VPS13B: variants seen among roughly 807,000 people sequenced by gnomAD.
VPS13B encodes the protein vacuolar protein sorting 13 homolog B, also known as intermembrane lipid transfer protein VPS13B.
Under a neutral mutation model 426.4 loss-of-function variants are expected in VPS13B, and 285 were observed. That is an observed-to-expected ratio of 0.67 (90% confidence interval 0.61 to 0.74). The LOEUF is 0.74. Ranked by LOEUF, VPS13B falls within the 30% of genes least tolerant of loss-of-function variation. The pLI, the probability that VPS13B is intolerant of heterozygous loss-of-function variation, is 0.00. For missense variants in VPS13B, 4,537 were observed against 4,782.6 expected (o/e 0.95, Z 1.51); for synonymous variants, 1,676 against 1,676.4 (o/e 1.00, Z 0.01).
intron 21 of VPS13B, among the ~76,000 whole-genome samples, chr8:99,428,496 G>A (rs200033500): frequency 3.9e-5 from 6 of 152,088 alleles, no homozygotes; most frequent in Non-Finnish European, 7.3e-5. Flanking sequence ...CACTTCTCAA[G>A]AGAAGACATT....
intron 22 of VPS13B, 40 bp from the exon 23 acceptor site, chr8:99,442,361 A>T: frequency 1.3e-6 from 2 of 1,560,416 alleles, no homozygotes; most frequent in Non-Finnish European, 1.8e-6. Context: ...AGGCATATTT[A>T]GTCTAATCCG....
intron 39 of VPS13B, among the ~76,000 whole-genome samples, chr8:99,722,512 T>C (rs1833171932): frequency 6.6e-6 from 1 of 151,320 alleles, no homozygotes; most frequent in Non-Finnish European, 1.5e-5. Context: ...TAATTCCTTT[T>C]TTTTTTTTTT....
chr8:99,338,257 T>C (rs1811041714), intron 19 of VPS13B, among the ~76,000 whole-genome samples: 1 of 152,166 alleles, frequency 6.6e-6, no homozygotes, highest in African/African-American at 2.4e-5. Context: ...TGATTGGGAT[T>C]TCATTGAATT....
At chr8:99,721,154 G>A in intron 39 of VPS13B, 107 bp downstream of exon 39, 1 of 1,162,916 alleles carries the variant, frequency 8.6e-7, no homozygotes, top group Middle Eastern at 1.9e-4. Flanking sequence ...AATAGTATCA[G>A]AGAGAAATAC....
chr8:99,484,501 G>A (rs548137261), intron 25 of VPS13B, among the ~76,000 whole-genome samples: 1 of 152,218 alleles, frequency 6.6e-6, no homozygotes, highest in East Asian at 1.9e-4. Context: ...TATTTGCTGA[G>A]AAGTACCTTA....
intron 19 of VPS13B, among the ~76,000 whole-genome samples, chr8:99,361,061 C>T (rs566763387): frequency 4.2e-4 from 64 of 152,148 alleles, no homozygotes; most frequent in Non-Finnish European, 7.3e-4. Context: ...TGTATAGTAA[C>T]TTTGAAATGT....
intron 17 of VPS13B, among the ~76,000 whole-genome samples, chr8:99,213,982 A>C (rs1815253823): frequency 1.3e-5 from 2 of 152,162 alleles, no homozygotes. Context: ...TTACCAGACC[A>C]ATTTGGAGAC....
chr8:99,339,289 C>A (rs777027236), intron 19 of VPS13B, among the ~76,000 whole-genome samples: 1 of 151,946 alleles, frequency 6.6e-6, no homozygotes. Context: ...TTGATTGGCT[C>A]ACAGTAGGCT....
chr8:99,658,688 C>T (rs534588860), intron 34 of VPS13B, among the ~76,000 whole-genome samples: 11 of 152,296 alleles, frequency 7.2e-5, no homozygotes, highest in Non-Finnish European at 1.5e-4. Context: ...GTGACATACA[C>T]ATTTAAAATC....
chr8:99,089,108 A>G (rs899938490), intron 3 of VPS13B, among the ~76,000 whole-genome samples: 1 of 152,220 alleles, frequency 6.6e-6, no homozygotes, highest in East Asian at 1.9e-4. Context: ...AGTGGTTAGT[A>G]TTGGGCATTT....
At chr8:99,317,669 T>C (rs1809747389) in intron 19 of VPS13B, among the ~76,000 whole-genome samples, 1 of 152,170 alleles carries the variant, frequency 6.6e-6, no homozygotes, top group African/African-American at 2.4e-5. Context: ...TATGGATGTG[T>C]ATGTGGATTT....
At chr8:99,243,833 T>G (rs976895139) in intron 17 of VPS13B, among the ~76,000 whole-genome samples, 2 of 152,226 alleles carry the variant, frequency 1.3e-5, no homozygotes, top group Non-Finnish European at 2.9e-5. Flanking sequence ...TCAATAACTA[T>G]AGCCAGTAAT....
chr8:99,850,888 T>G (rs1816254723), intron 55 of VPS13B, among the ~76,000 whole-genome samples: 1 of 152,138 alleles, frequency 6.6e-6, no homozygotes, highest in South Asian at 2.1e-4. Context: ...ATCATGCCAC[T>G]GCACTCCAGC....
chr8:99,274,079 A>G (rs1316520223), intron 17 of VPS13B, 119 bp from the exon 18 acceptor site: 1 of 1,382,684 alleles, frequency 7.2e-7, no homozygotes, highest in Non-Finnish European at 1.0e-6. Flanking sequence ...TAACACAAAT[A>G]CTGTAAGAAC....
At chr8:99,186,833 C>T (rs1813244850) in intron 16 of VPS13B, among the ~76,000 whole-genome samples, 1 of 152,184 alleles carries the variant, frequency 6.6e-6, no homozygotes, top group South Asian at 2.1e-4. Flanking sequence ...TTTTTCCCTA[C>T]CCTTGGGCAT....
At chr8:99,548,267 A>T (rs1367753098) in intron 30 of VPS13B, among the ~76,000 whole-genome samples, 1 of 152,040 alleles carries the variant, frequency 6.6e-6, no homozygotes, top group Non-Finnish European at 1.5e-5. Context: ...TTGGCATTGT[A>T]ATCAGAATGT....
intron 44 of VPS13B, among the ~76,000 whole-genome samples, chr8:99,813,220 T>C (rs1489324832): frequency 2.0e-5 from 3 of 152,212 alleles, no homozygotes; most frequent in African/African-American, 7.2e-5. Context: ...GAATTTTCTT[T>C]TATCAAATTT....
Position 99,676,719 on chromosome 8 carries a change from A to G in VPS13B, c.6046+15228A>G, listed in dbSNP as rs1215393964. On this transcript the variant is annotated intron_variant, in intron 35 of 61. Coordinates refer to ENST00000357162, the MANE Select transcript of VPS13B (RefSeq NM_152564.5). ...ATTTTCTTGTGTGAATAGTTGTTCA[A>G]CATGATGTTGCTATGAGGGGATGAT... Among the ~76,000 whole-genome samples, 3 of 152,162 alleles carry G rather than the reference A, an allele frequency of 2.0e-5. No homozygotes were observed. In the East Asian group the frequency reaches 5.8e-4, roughly 29 times the overall value.
At chr8:99,358,357 C>A (rs1468285998) in intron 19 of VPS13B, among the ~76,000 whole-genome samples, 1 of 152,024 alleles carries the variant, frequency 6.6e-6, no homozygotes, top group Non-Finnish European at 1.5e-5. Flanking sequence ...TAATTTGTAC[C>A]AGTGTCCCAC....
Sources: gnomAD v4.1 joint callset for allele counts (sites outside exome capture counted in the v4.1 genomes callset) on GRCh38, gnomAD v4.1.1 for gene constraint, MANE v1.5 for transcripts, NCBI Gene and HGNC (gene_info 2026-07-23, HGNC 2026-07-21) for gene names.